Variants in TIAM2 observed in about 807,000 individuals in gnomAD.
The protein encoded by TIAM2 is TIAM Rac1 associated GEF 2.
TIAM2 carries 80 observed loss-of-function variants against 152.9 expected under a neutral mutation model. The ratio of observed to expected loss-of-function variants is 0.52; its 90% CI spans 0.44 to 0.63. The LOEUF (loss-of-function observed/expected upper bound fraction) is 0.63, where lower values mean the gene tolerates loss of function less well. Among genes scored for constraint, TIAM2 ranks in the 30% least tolerant of loss-of-function variants. TIAM2 has a pLI of 0.00. For synonymous variants in TIAM2, 804 were observed against 838.0 expected (o/e 0.96, Z 0.70); for missense variants, 1,965 against 2,120.1 (o/e 0.93, Z 1.44).
In TIAM2 at chr6:155,029,098, ATACTATGTGTTATATATACACTGTATG is replaced by A. The variant is rs1562294804; in HGVS notation, c.-209+33623_-209+33649del. Among the ~76,000 whole-genome samples the A allele has an allele frequency of 6.1e-5, 7 of 114,686 alleles. 2 individuals are homozygous for A. Among genetic ancestry groups the A allele is most frequent in the Non-Finnish European group, 1.3e-4 (7 of 55,720 alleles). 75.2% of individuals were successfully genotyped at this position (114,686 alleles called of 152,430 possible). A position where few individuals can be genotyped will look rare whatever the true frequency, so the allele number is the denominator to read the frequency against. ...ATATACTGTTATATATACACTGTAT[ATACTATGTGTTATATATACACTGTATG>A]TACTATGTGTTATATACACTATATG... On this transcript the variant is annotated intron_variant, in intron 1 of 26. Transcript: ENST00000682666.
intron 1 of TIAM2, among the ~76,000 whole-genome samples, chr6:155,072,423 G>C (rs17085922): frequency 0.071 from 10,770 of 152,150 alleles, 516 homozygotes; most frequent in East Asian, 0.21. Flanking sequence ...ACCTGCCAGA[G>C]GATTTGATGG....
intron 1 of TIAM2, among the ~76,000 whole-genome samples, chr6:154,999,407 A>C (rs868633295): frequency 6.4e-4 from 98 of 152,014 alleles, no homozygotes; most frequent in Middle Eastern, 3.4e-3. Flanking sequence ...GGGTTTTGCC[A>C]TGTTGGCCAG....
chr6:155,234,603 T>G (rs951271727), intron 15 of TIAM2, among the ~76,000 whole-genome samples: 1 of 152,122 alleles, frequency 6.6e-6, no homozygotes, highest in African/African-American at 2.4e-5. Flanking sequence ...TGGGTTTCCC[T>G]TATGTTGTTC....
intron 2 of TIAM2, among the ~76,000 whole-genome samples, chr6:155,101,020 T>G (rs1305626941): frequency 6.6e-6 from 1 of 152,126 alleles, no homozygotes; most frequent in Non-Finnish European, 1.5e-5. Context: ...TTGCGTGGGT[T>G]TTCAGCATCA....
At chr6:155,081,570 C>G (rs1778062781) in intron 1 of TIAM2, among the ~76,000 whole-genome samples, 1 of 152,158 alleles carries the variant, frequency 6.6e-6, no homozygotes, top group Admixed American at 6.5e-5. Flanking sequence ...TGGTTAACTT[C>G]TAGGAACCAT....
chr6:155,174,790 T>C lies in TIAM2; in HGVS notation c.2362-2026T>C, dbSNP rs1224932105. 2.0e-5 allele frequency among the ~76,000 whole-genome samples: 3 copies of C among 152,236 alleles called. No homozygotes were observed. The highest frequency in any genetic ancestry group is 6.5e-5 in the Admixed American group (1 of 15,286). Reference sequence around the variant, plus strand: ...TGTTTATCCATAATTACGTTCTTCCTGATCTCCAAAAGTGCAGCAGTAAAT... The same window carrying C: ...TGTTTATCCATAATTACGTTCTTCCCGATCTCCAAAAGTGCAGCAGTAAAT... On this transcript the variant is annotated intron_variant, in intron 9 of 26. Coordinates refer to ENST00000682666, the MANE Select transcript of TIAM2 (RefSeq NM_012454.4). This position sits in a 1 kb window ranked among gnomAD's most constrained non-coding sequence, Gnocchi z 4.2.
chr6:155,172,532 C>T (rs1253490801), intron 9 of TIAM2, among the ~76,000 whole-genome samples: 1 of 150,902 alleles, frequency 6.6e-6, no homozygotes, highest in Non-Finnish European at 1.5e-5. Flanking sequence ...CACTAGATAA[C>T]AGCCCCTAAC....
chr6:155,037,067 A>C (rs1272060368), intron 1 of TIAM2, among the ~76,000 whole-genome samples: 1 of 152,214 alleles, frequency 6.6e-6, no homozygotes, highest in African/African-American at 2.4e-5. Context: ...CCTGTAGTTC[A>C]AGAACATTCT....
At chr6:155,117,678 G>A (rs909328543) in intron 2 of TIAM2, among the ~76,000 whole-genome samples, 2 of 152,134 alleles carry the variant, frequency 1.3e-5, no homozygotes, top group African/African-American at 4.8e-5. Context: ...CCTGACCTCA[G>A]GTGATCCACC....
At chr6:155,043,633 C>CA (rs60093259) in intron 1 of TIAM2, among the ~76,000 whole-genome samples, 8,471 of 49,704 alleles carry the variant, frequency 0.17, 903 homozygotes, top group Non-Finnish European at 0.19. Flanking sequence ...GACCCTGTCT[C>CA]AAAAAAAAAA....
At chr6:155,250,291 CTTTTTTTTT>C (rs11320509) in intron 21 of TIAM2, among the ~76,000 whole-genome samples, 2 of 133,700 alleles carry the variant, frequency 1.5e-5, no homozygotes, top group East Asian at 4.4e-4. Context: ...TTGATTTTGC[CTTTTTTTTT>C]TTTTTTTTTT....
intron 14 of TIAM2, among the ~76,000 whole-genome samples, chr6:155,191,532 C>T (rs1319031091): frequency 6.6e-6 from 1 of 152,142 alleles, no homozygotes; most frequent in Non-Finnish European, 1.5e-5. Context: ...TGGCTCATGC[C>T]TGTAATCCCA....
intron 1 of TIAM2, among the ~76,000 whole-genome samples, chr6:155,040,038 A>G (rs1776991670): frequency 6.6e-6 from 1 of 152,210 alleles, no homozygotes; most frequent in Admixed American, 6.6e-5. Flanking sequence ...CTTGACCAAA[A>G]CCAATTAACT....
chr6:155,172,659 TATATATATATATATATA>T (rs1780622758), intron 9 of TIAM2, among the ~76,000 whole-genome samples: 2 of 9,032 alleles, frequency 2.2e-4, no homozygotes, highest in Admixed American at 1.1e-3. Flanking sequence ...TATATATATA[TATATATATATATATATA>T]TATATATATA....
chr6:155,224,951 A>G (rs557249554), intron 15 of TIAM2, among the ~76,000 whole-genome samples: 5 of 152,040 alleles, frequency 3.3e-5, no homozygotes, highest in Non-Finnish European at 5.9e-5. Flanking sequence ...GGGATTTTCT[A>G]TTTATTTGTT....
chr6:155,165,478 A>C, intron 9 of TIAM2, 69 bp downstream of exon 9: 1 of 1,544,076 alleles, frequency 6.5e-7, no homozygotes, highest in South Asian at 1.3e-5. Context: ...TCGGCCTGCT[A>C]TGAATCATCA....
intron 1 of TIAM2, among the ~76,000 whole-genome samples, chr6:155,062,236 C>T (rs13212381): frequency 0.4 from 61,217 of 151,832 alleles, 12,569 homozygotes; most frequent in Middle Eastern, 0.49. Context: ...ACCATTTGAT[C>T]GCTGAAGATC....
chr6:155,223,517 A>ATTTTTTTTTTTTTTTTTTTT (rs11389646), intron 15 of TIAM2, among the ~76,000 whole-genome samples: 1 of 140,864 alleles, frequency 7.1e-6, no homozygotes, highest in African/African-American at 2.6e-5. Context: ...ACATCCCCAG[A>ATTTTTTTTTTTTTTTTTTTT]TTTTTTTTTC....
chr6:155,250,894 T>A lies in TIAM2; in HGVS notation c.3952-19T>A. 1 of 1,610,464 alleles carries A rather than the reference T, an allele frequency of 6.2e-7. No homozygotes were observed. Among genetic ancestry groups the A allele is most frequent in the Non-Finnish European group, 8.5e-7 (1 of 1,176,658 alleles). ...CTGGGATTTCCGTATCTTCCTTACC[T>A]CCTGTTTTTACAATCTAGGTAACAG... On this transcript the variant is annotated intron_variant, in intron 21 of 26. Coordinates refer to ENST00000682666, the MANE Select transcript of TIAM2 (RefSeq NM_012454.4).
Sources: gnomAD v4.1 joint callset for allele counts (sites outside exome capture counted in the v4.1 genomes callset) on GRCh38, gnomAD v4.1.1 for gene constraint, Gnocchi (gnomAD v3.1) non-coding constraint, MANE v1.5 for transcripts, NCBI Gene and HGNC (gene_info 2026-07-23, HGNC 2026-07-21) for gene names.